CRPPA: variants seen among roughly 807,000 people sequenced by gnomAD.
CRPPA encodes D-ribitol-5-phosphate cytidylyltransferase.
Under a neutral mutation model 52.0 loss-of-function variants are expected in CRPPA, and 43 were observed. The ratio of observed to expected loss-of-function variants is 0.83; its 90% CI spans 0.65 to 1.07. The LOEUF (loss-of-function observed/expected upper bound fraction) is 1.07, where lower values mean the gene tolerates loss of function less well. CRPPA is among the 50% of genes least tolerant of loss of function. The probability of loss-of-function intolerance (pLI) is 0.00; values close to 1 mark genes in which losing one functional copy is unlikely to be tolerated. For synonymous variants in CRPPA, 250 were observed against 203.5 expected, an observed-to-expected ratio of 1.23 and a Z score of -1.94; for missense variants, 629 against 551.7, an observed-to-expected ratio of 1.14 and a Z score of -1.40.
chr7:16,158,979 G>T (rs773129011), intron 9 of CRPPA, among the ~76,000 whole-genome samples: 1 of 152,126 alleles, frequency 6.6e-6, no homozygotes, highest in Admixed American at 6.5e-5. Flanking sequence ...TTTTGCAATT[G>T]TCTATAAACC....
chr7:16,319,940 C>T (rs763077276), intron 3 of CRPPA, among the ~76,000 whole-genome samples: 2 of 152,142 alleles, frequency 1.3e-5, no homozygotes. Flanking sequence ...CCAGAGGTAC[C>T]TGGTGCTGCT....
At chr7:16,279,001 T>C (rs554647596) in intron 5 of CRPPA, among the ~76,000 whole-genome samples, 2 of 152,346 alleles carry the variant, frequency 1.3e-5, no homozygotes, top group Non-Finnish European at 2.9e-5. Flanking sequence ...ATCCACATCT[T>C]TCTGTCTTAT....
chr7:16,339,915 T>G (rs925031585), intron 3 of CRPPA, among the ~76,000 whole-genome samples: 1 of 151,814 alleles, frequency 6.6e-6, no homozygotes, highest in African/African-American at 2.4e-5. Flanking sequence ...TAAAAAAAAG[T>G]AGGTCAAAGG....
intron 9 of CRPPA, among the ~76,000 whole-genome samples, chr7:16,165,104 C>T (rs928667262): frequency 2.0e-5 from 3 of 151,944 alleles, no homozygotes; most frequent in East Asian, 1.9e-4. Flanking sequence ...CCCACAGCTG[C>T]CCCTTCCCCC....
rs900712979 is a variant in CRPPA at position 16,350,278 on chromosome 7, T to C, written c.684+25814A>G. 2.0e-5 allele frequency among the ~76,000 whole-genome samples: 3 copies of C among 152,006 alleles called. No individual in the cohort carries two copies. The South Asian group carries it at 6.2e-4, about 31-fold the overall frequency. ...TTCCTCAGCTTAGGGAAGATGACAA[T>C]AATTGGTAACATGAAAACATATGAC... On this transcript the variant is annotated intron_variant, in intron 3 of 9. Transcript: ENST00000407010.
At chr7:16,158,200 G>T (rs903472829) in intron 9 of CRPPA, among the ~76,000 whole-genome samples, 1 of 151,888 alleles carries the variant, frequency 6.6e-6, no homozygotes, top group Admixed American at 6.6e-5. Context: ...AGATATTTCT[G>T]TTCATTCTTT....
At chr7:16,378,380 G>A (rs1312432082) in intron 2 of CRPPA, among the ~76,000 whole-genome samples, 46 of 150,000 alleles carry the variant, frequency 3.1e-4, no homozygotes, top group South Asian at 2.1e-4. Context: ...TTGTACTTGC[G>A]ATAGTTTACT....
intron 2 of CRPPA, among the ~76,000 whole-genome samples, chr7:16,399,452 G>A (rs992860209): frequency 2.0e-5 from 3 of 152,092 alleles, no homozygotes; most frequent in Non-Finnish European, 2.9e-5. Flanking sequence ...TGTCCAACAT[G>A]TGACTGATAC....
At chr7:16,397,362 C>T (rs759046075) in intron 2 of CRPPA, among the ~76,000 whole-genome samples, 4 of 152,186 alleles carry the variant, frequency 2.6e-5, no homozygotes, top group African/African-American at 4.8e-5. Flanking sequence ...AGGTGACTGA[C>T]GTGTGTAACA....
At chr7:16,356,816 C>T (rs1786307432) in intron 3 of CRPPA, among the ~76,000 whole-genome samples, 1 of 152,136 alleles carries the variant, frequency 6.6e-6, no homozygotes, top group Admixed American at 6.6e-5. Context: ...ACATGAGTCA[C>T]AATATTTAGT....
chr7:16,127,327 T>C (rs1438387427), intron 9 of CRPPA, among the ~76,000 whole-genome samples: 3 of 152,054 alleles, frequency 2.0e-5, no homozygotes, highest in African/African-American at 7.2e-5. Flanking sequence ...AATGTATCCT[T>C]GTACTTGAGT....
At chr7:16,367,719 C>T (rs2128310587) in intron 3 of CRPPA, among the ~76,000 whole-genome samples, 1 of 152,074 alleles carries the variant, frequency 6.6e-6, no homozygotes, top group East Asian at 1.9e-4. Flanking sequence ...GAATTCCTGT[C>T]ATATTTCTTT....
chr7:16,366,222 C>T (rs1786584950), intron 3 of CRPPA, among the ~76,000 whole-genome samples: 1 of 152,264 alleles, frequency 6.6e-6, no homozygotes, highest in African/African-American at 2.4e-5. Flanking sequence ...GATCTAATCA[C>T]CTCCCAAAGG....
chr7:16,211,702 A>G (rs1192804791), intron 9 of CRPPA, among the ~76,000 whole-genome samples: 1 of 152,202 alleles, frequency 6.6e-6, no homozygotes, highest in African/African-American at 2.4e-5. Context: ...TTTGAGATGA[A>G]AAAATGGATG....
intron 8 of CRPPA, among the ~76,000 whole-genome samples, chr7:16,245,500 T>C (rs1783245011): frequency 6.6e-6 from 1 of 152,172 alleles, no homozygotes. Context: ...ACCCAGACAC[T>C]ATTCACTTGC....
At chr7:16,097,883 G>A (rs1032735233) in intron 9 of CRPPA, among the ~76,000 whole-genome samples, 1 of 152,144 alleles carries the variant, frequency 6.6e-6, no homozygotes, top group African/African-American at 2.4e-5. Flanking sequence ...TTACTAATAT[G>A]TAGCACCTTG....
intron 4 of CRPPA, among the ~76,000 whole-genome samples, chr7:16,302,930 G>A (rs1784821370): frequency 6.6e-6 from 1 of 152,260 alleles, no homozygotes; most frequent in Non-Finnish European, 1.5e-5. Flanking sequence ...AATACTCATT[G>A]TCAGGGTGTT....
chr7:16,312,177 T>G (rs1785047883), intron 3 of CRPPA, among the ~76,000 whole-genome samples: 1 of 152,036 alleles, frequency 6.6e-6, no homozygotes. Context: ...AAATTTTGAT[T>G]GGGATTGCAT....
chr7:16,112,410 C>T (rs1209978026), intron 9 of CRPPA, among the ~76,000 whole-genome samples: 1 of 151,804 alleles, frequency 6.6e-6, no homozygotes, highest in Non-Finnish European at 1.5e-5. Flanking sequence ...AGATAGATAG[C>T]TATCATTTGG....
Sources: gnomAD v4.1 joint callset for allele counts (sites outside exome capture counted in the v4.1 genomes callset) on GRCh38, gnomAD v4.1.1 for gene constraint, MANE v1.5 for transcripts, NCBI Gene and HGNC (gene_info 2026-07-23, HGNC 2026-07-21) for gene names.